Variants in PRDM6 observed in about 807,000 individuals in gnomAD.
PRDM6 encodes the protein PR/SET domain 6, also known as putative histone-lysine N-methyltransferase PRDM6.
Under a neutral mutation model 60.8 loss-of-function variants are expected in PRDM6, and 25 were observed. The ratio of observed to expected loss-of-function variants is 0.41; its 90% CI spans 0.30 to 0.57. The LOEUF (loss-of-function observed/expected upper bound fraction) is 0.57. PRDM6 is among the 20% of genes least tolerant of loss of function. The pLI is 0.27. For synonymous variants in PRDM6, 407 were observed against 357.4 expected, an observed-to-expected ratio of 1.14 and a Z score of -1.57; for missense variants, 839 against 821.3, an observed-to-expected ratio of 1.02 and a Z score of -0.26.
intron 3 of PRDM6, among the ~76,000 whole-genome samples, chr5:123,141,728 A>G (rs1765108470): frequency 6.6e-6 from 1 of 152,194 alleles, no homozygotes; most frequent in Non-Finnish European, 1.5e-5. Flanking sequence ...ATATTGAAGT[A>G]GAAGGAAATT....
At chr5:123,176,538 C>A (rs992187236) in intron 6 of PRDM6, among the ~76,000 whole-genome samples, 7 of 152,054 alleles carry the variant, frequency 4.6e-5, no homozygotes, top group Admixed American at 3.3e-4. Flanking sequence ...TGGTGAAACC[C>A]CATCTCTACA....
rs1465718343 is a variant in PRDM6, at chr5:123,188,783, G to C, written c.*1582G>C. 1.3e-5 allele frequency: 2 copies of C among 152,054 alleles called. No homozygotes were observed. Among genetic ancestry groups the C allele is most frequent in the Non-Finnish European group, 2.9e-5 (2 of 68,006 alleles). The allele number at this position is 152,054 out of a possible 1,614,324, so 9.4% of individuals were successfully genotyped here. ...GTGGTTTAGTTTAATCTATTATTAT[G>C]TATCTGGCTCTGAGAAAATCTCTCT... On this transcript the variant is annotated 3_prime_UTR_variant, in exon 8 of 8. Transcript: ENST00000407847.
chr5:123,114,615 G>T (rs1008690467), intron 3 of PRDM6, among the ~76,000 whole-genome samples: 4 of 152,194 alleles, frequency 2.6e-5, no homozygotes, highest in African/African-American at 4.8e-5. Context: ...TTGACTGGAG[G>T]TCCTTCATTT....
rs1169507572 is a variant in PRDM6, at chr5:123,187,217, G to C, written c.*16G>C. ...AGTGGATTAACGGATTGACTGGTTG[G>C]AATTAAACTGCAAGGAAAGTCATGA... On this transcript the variant is annotated 3_prime_UTR_variant, in exon 8 of 8. Coordinates refer to ENST00000407847, the MANE Select transcript of PRDM6 (RefSeq NM_001136239.4). 1.3e-6 allele frequency: 2 copies of C among 1,515,176 alleles called. No homozygotes were observed. The highest frequency in any genetic ancestry group is 1.8e-6 in the Non-Finnish European group (2 of 1,114,230). 93.9% of individuals were successfully genotyped at this position (1,515,176 alleles called of 1,614,324 possible).
At position 123,090,072 on chromosome 5, in the gene PRDM6, C is replaced by T. The variant is rs1472053345; in HGVS notation, c.58C>T (p.Leu20=). 3 of 1,548,294 alleles carry T rather than the reference C, an allele frequency of 1.9e-6. No individual in the cohort carries two copies. The highest frequency in any genetic ancestry group is 1.4e-5 in the African/African-American group (1 of 72,854). The change falls in exon 2 of 8, where the codon CTG becomes TTG. Residue 20 remains leucine (L), a synonymous_variant. Transcript: ENST00000407847. The stretch of plus-strand genomic sequence containing the variant: ...CTTCCTCAAAGTGGACCCAGCCTAC[C>T]TGCAGCACTGGCAGCAACTCTTCCC... ...SAFLKVDPAY[L]QHWQQLFPHG... is the part of the protein sequence containing the mutation.
rs1477573403 is a variant in PRDM6, at chr5:123,090,586, A to G, written c.572A>G (p.His191Arg). The G allele has an allele frequency of 3.3e-6, 5 of 1,524,384 alleles. No homozygotes were observed. Among genetic ancestry groups the G allele is most frequent in the East Asian group, 2.6e-5 (1 of 38,798 alleles). The allele number at this position is 1,524,384 out of a possible 1,614,324, so 94.4% of individuals were successfully genotyped here. A position where few individuals can be genotyped will look rare whatever the true frequency, so the allele number is the denominator to read the frequency against. ...ATGGAGATCATCCCGCTCAACCAGC[A>G]CACCAGCGACCCCAACAACCGTACG... ...QRMEIIPLNQ[H>R]TSDPNNRCDM... The change falls in exon 2 of 8, where the codon CAC (histidine) becomes CGC (arginine). Residue 191 changes from histidine (H) to arginine (R), a missense_variant. This residue lies in a region of PRDM6 where 730 missense variants were observed against 648.8 expected (regional missense o/e 1.13). Transcript: ENST00000407847.
intron 3 of PRDM6, among the ~76,000 whole-genome samples, chr5:123,119,497 C>T (rs1409264216): frequency 1.3e-5 from 2 of 151,620 alleles, no homozygotes; most frequent in South Asian, 2.1e-4. Flanking sequence ...TCAGCTGCAA[C>T]ATCTACACTC....
At chr5:123,110,508 C>T (rs1764287046) in intron 3 of PRDM6, among the ~76,000 whole-genome samples, 1 of 150,676 alleles carries the variant, frequency 6.6e-6, no homozygotes. Flanking sequence ...ATCCACGAGC[C>T]TCCCAAAGTG....
chr5:123,181,345 AG>A (rs1375506204), intron 7 of PRDM6, among the ~76,000 whole-genome samples: 2 of 152,258 alleles, frequency 1.3e-5, no homozygotes, highest in Non-Finnish European at 2.9e-5. Context: ...ACAGAAATGG[AG>A]TAATCAATGC....
chr5:123,136,874 C>T (rs1277163497), intron 3 of PRDM6, among the ~76,000 whole-genome samples: 53 of 151,980 alleles, frequency 3.5e-4, no homozygotes, highest in Admixed American at 3.5e-3. Context: ...TGCATGGGAA[C>T]CTTAGCAGCT....
intron 3 of PRDM6, among the ~76,000 whole-genome samples, chr5:123,127,099 G>A (rs1050938986): frequency 6.6e-6 from 1 of 151,492 alleles, no homozygotes; most frequent in African/African-American, 2.4e-5. Flanking sequence ...GTGCAGTGGT[G>A]TGATCTTTGC....
chr5:123,113,061 T>C (rs1284140296), intron 3 of PRDM6, among the ~76,000 whole-genome samples: 2 of 152,176 alleles, frequency 1.3e-5, no homozygotes, highest in Admixed American at 6.5e-5. Flanking sequence ...AACATAAAAA[T>C]TGAAGGACGT....
intron 3 of PRDM6, among the ~76,000 whole-genome samples, chr5:123,117,690 T>C (rs1238527375): frequency 6.6e-6 from 1 of 152,230 alleles, no homozygotes; most frequent in Non-Finnish European, 1.5e-5. Context: ...TAAAGTTCTG[T>C]TTAATCTTGC....
intron 6 of PRDM6, among the ~76,000 whole-genome samples, chr5:123,173,706 T>C (rs1765947525): frequency 6.6e-6 from 1 of 152,228 alleles, no homozygotes; most frequent in East Asian, 1.9e-4. Flanking sequence ...TTGACTTACA[T>C]CATCACATCT....
intron 3 of PRDM6, among the ~76,000 whole-genome samples, chr5:123,106,972 C>G (rs1764210201): frequency 6.6e-6 from 1 of 152,200 alleles, no homozygotes; most frequent in Admixed American, 6.5e-5. Context: ...TACTCTTCCC[C>G]CCACCCTGCT....
At position 123,170,938 on chromosome 5, in the gene PRDM6, A is replaced by T. The variant is rs1324882523; in HGVS notation, c.1326A>T (p.Gly442=). 6.4e-7 allele frequency: 1 copy of T among 1,551,976 alleles called. No homozygotes were observed. Among genetic ancestry groups the T allele is most frequent in the Admixed American group, 2.0e-5 (1 of 51,008 alleles). ...ATAAGTCTGGGCCCATTGAATCAGG[A>T]TTTAATCAAATCAACGTGAAAAACC... ...LLDKSGPIES[G]FNQINVKNQR... Residue 442 remains glycine, a synonymous_variant, in exon 6 of 8, where the codon GGA becomes GGT. Coordinates refer to ENST00000407847, the MANE Select transcript of PRDM6 (RefSeq NM_001136239.4).
chr5:123,143,578 G>A (rs796772302), intron 3 of PRDM6, among the ~76,000 whole-genome samples: 9 of 152,186 alleles, frequency 5.9e-5, no homozygotes, highest in South Asian at 2.1e-4. Context: ...CAAACCTTAC[G>A]ACGCAAATGC....
rs756155276 is a variant in PRDM6 at position 123,146,650 on chromosome 5, G to A, written c.901-9234G>A. On this transcript the variant is annotated intron_variant, in intron 3 of 7. Transcript: ENST00000407847. ...TCCATCTTTCACTGACACGACAAGG[G>A]ATGCTGAGTAGCTCTTCACATTTGC... Among the ~76,000 whole-genome samples, 63 of 152,170 alleles carry A rather than the reference G, an allele frequency of 4.1e-4. 1 individual carries two copies. The highest frequency in any genetic ancestry group is 5.9e-4 in the Non-Finnish European group (40 of 68,028).
intron 2 of PRDM6, among the ~76,000 whole-genome samples, chr5:123,091,794 T>G (rs1285813174): frequency 3.3e-5 from 5 of 152,264 alleles, no homozygotes; most frequent in Non-Finnish European, 7.3e-5. Context: ...TGAGTAAAGT[T>G]AATTTAAAAC....
Sources: allele counts gnomAD v4.1 joint callset (sites outside exome capture counted in the v4.1 genomes callset), GRCh38; gene constraint gnomAD v4.1.1; regional missense constraint gnomAD v4.1.1; transcripts MANE v1.5; gene names NCBI Gene and HGNC (gene_info 2026-07-23, HGNC 2026-07-21).